Variants in AGBL4 observed in about 807,000 individuals in gnomAD.
AGBL4 encodes cytosolic carboxypeptidase 6.
In AGBL4, 58 loss-of-function variants were observed where a neutral mutation model predicts 66.4. The observed-to-expected ratio is 0.87, with a 90% CI of 0.71 to 1.09. The LOEUF is 1.09. Among genes scored for constraint, AGBL4 ranks in the 50% least tolerant of loss-of-function variants. The pLI is 0.00. For synonymous variants in AGBL4, 234 were observed against 222.9 expected (o/e 1.05, Z -0.44); for missense variants, 579 against 631.0 (o/e 0.92, Z 0.88).
At chr1:49,212,875 C>T (rs1648778655) in intron 4 of AGBL4, among the ~76,000 whole-genome samples, 1 of 152,088 alleles carries the variant, frequency 6.6e-6, no homozygotes, top group Non-Finnish European at 1.5e-5. Flanking sequence ...AGCATGTTTA[C>T]CTTTTCCATC....
chr1:49,535,787 G>GT (rs1347614888), intron 3 of AGBL4, among the ~76,000 whole-genome samples: 1 of 152,156 alleles, frequency 6.6e-6, no homozygotes, highest in Non-Finnish European at 1.5e-5. Flanking sequence ...GGCCTCCTGG[G>GT]TTCACGCCAT....
rs1648912499 is a variant in AGBL4, at chr1:49,725,048, CAGG to C, written c.158-27614_158-27612del. Among the ~76,000 whole-genome samples, 3 of 151,826 alleles carry C rather than the reference CAGG, an allele frequency of 2.0e-5. No homozygotes were observed. In the South Asian group the frequency reaches 6.2e-4, roughly 32 times the overall value. Reference sequence around the variant, plus strand: ...AGGGATGGGGGAGGGGAGGGAAGAGCAGGAGGGAAGAAAAAGGGAATAAAAGCA... The same window carrying C: ...AGGGATGGGGGAGGGGAGGGAAGAGCAGGGAAGAAAAAGGGAATAAAAGCA... On this transcript the variant is annotated intron_variant, in intron 2 of 13. Transcript: ENST00000371839.
rs545764781 is a variant in AGBL4, at chr1:49,203,391, T to C, written c.377+42379A>G. 8.5e-5 allele frequency among the ~76,000 whole-genome samples: 13 copies of C among 152,150 alleles called. No homozygotes were observed. In the East Asian group the frequency reaches 2.5e-3, roughly 29 times the overall value. ...CCTTAAATATCCATGAATAAATGAA[T>C]GAATAAAGAAAATATAGTATATATG... On this transcript the variant is annotated intron_variant, in intron 4 of 13. Coordinates refer to ENST00000371839, the MANE Select transcript of AGBL4 (RefSeq NM_032785.4).
At chr1:48,568,444 G>C (rs896336300) in intron 11 of AGBL4, among the ~76,000 whole-genome samples, 2 of 152,136 alleles carry the variant, frequency 1.3e-5, no homozygotes, top group Non-Finnish European at 2.9e-5. Flanking sequence ...TCCTGGGGTA[G>C]AGCTGAAGTG....
In AGBL4 at chr1:49,792,337, G is replaced by T. The variant is rs150111628; in HGVS notation, c.157+59059C>A. 1.8e-4 allele frequency among the ~76,000 whole-genome samples: 27 copies of T among 151,990 alleles called. No homozygotes were observed. The East Asian group carries it at 5.0e-3, about 28-fold the overall frequency. ...TATTAAAAAAACAGCAGCTACACAAGATTAACAGTCCACAACTCTTGGTAA... is the reference window on the plus strand; with the variant it reads ...TATTAAAAAAACAGCAGCTACACAATATTAACAGTCCACAACTCTTGGTAA... On this transcript the variant is annotated intron_variant, in intron 2 of 13. Coordinates refer to ENST00000371839, the MANE Select transcript of AGBL4 (RefSeq NM_032785.4).
intron 6 of AGBL4, among the ~76,000 whole-genome samples, chr1:48,834,351 T>C (rs1646627524): frequency 6.6e-6 from 1 of 152,110 alleles, no homozygotes; most frequent in Non-Finnish European, 1.5e-5. Flanking sequence ...AATTAATGTA[T>C]TTTGCATGAG....
chr1:48,776,815 C>A, intron 6 of AGBL4: 1 of 1,516,978 alleles, frequency 6.6e-7, no homozygotes, highest in Non-Finnish European at 8.8e-7. Context: ...CTCCAGGAAC[C>A]GCACAAAGGC....
At chr1:48,755,056 A>C (rs886098668) in intron 6 of AGBL4, among the ~76,000 whole-genome samples, 5 of 152,174 alleles carry the variant, frequency 3.3e-5, no homozygotes, top group African/African-American at 1.2e-4. Flanking sequence ...GTGTGGAATG[A>C]ATGAAAGAAT....
At chr1:49,917,032 T>C (rs1463198153) in intron 1 of AGBL4, among the ~76,000 whole-genome samples, 1 of 152,054 alleles carries the variant, frequency 6.6e-6, no homozygotes, top group African/African-American at 2.4e-5. Context: ...GACAAGCAAA[T>C]GCTGAGAGAT....
intron 3 of AGBL4, among the ~76,000 whole-genome samples, chr1:49,394,258 C>T (rs1644909901): frequency 6.6e-6 from 1 of 151,900 alleles, no homozygotes; most frequent in Non-Finnish European, 1.5e-5. Context: ...AGCAACAAAA[C>T]TGCACTTTGA....
intron 4 of AGBL4, among the ~76,000 whole-genome samples, chr1:49,183,604 C>T (rs1387923619): frequency 6.6e-6 from 1 of 152,154 alleles, no homozygotes; most frequent in African/African-American, 2.4e-5. Flanking sequence ...CAAATGTCTT[C>T]ATACTTTAAG....
At chr1:49,438,163 G>A (rs556993774) in intron 3 of AGBL4, among the ~76,000 whole-genome samples, 1 of 152,104 alleles carries the variant, frequency 6.6e-6, no homozygotes, top group Non-Finnish European at 1.5e-5. Flanking sequence ...ACAGAATCAG[G>A]ATCTAAAGCC....
chr1:49,291,546 T>C (rs973125695), intron 3 of AGBL4, among the ~76,000 whole-genome samples: 8 of 152,220 alleles, frequency 5.3e-5, no homozygotes, highest in Non-Finnish European at 8.8e-5. Context: ...AGAAGCCATA[T>C]ACAAGAGTAT....
intron 6 of AGBL4, among the ~76,000 whole-genome samples, chr1:48,689,415 T>C (rs1337376122): frequency 6.7e-6 from 1 of 150,154 alleles, no homozygotes; most frequent in African/African-American, 2.5e-5. Context: ...CTTCCTTCCT[T>C]CCTTCCTTCC....
At chr1:49,178,416 G>A (rs1646870049) in intron 4 of AGBL4, among the ~76,000 whole-genome samples, 1 of 152,014 alleles carries the variant, frequency 6.6e-6, no homozygotes, top group South Asian at 2.1e-4. Context: ...TCCCAGCTCT[G>A]CATGCGGAAT....
At chr1:49,895,729 T>C (rs1649131137) in intron 1 of AGBL4, among the ~76,000 whole-genome samples, 2 of 151,728 alleles carry the variant, frequency 1.3e-5, no homozygotes, top group Admixed American at 6.6e-5. Flanking sequence ...AATAAAAACA[T>C]ACATGCAAAA....
chr1:49,393,128 C>T (rs550264016), intron 3 of AGBL4, among the ~76,000 whole-genome samples: 61 of 152,160 alleles, frequency 4.0e-4, no homozygotes, highest in African/African-American at 1.4e-3. Flanking sequence ...GTTATTACAG[C>T]AAAGCTTGAC....
At chr1:48,748,175 G>C (rs749199413) in intron 6 of AGBL4, among the ~76,000 whole-genome samples, 4 of 152,194 alleles carry the variant, frequency 2.6e-5, no homozygotes, top group Non-Finnish European at 5.9e-5. Flanking sequence ...GTTAAACAAA[G>C]GCCTTGGAAA....
At chr1:49,716,454 T>C (rs1418575206) in intron 2 of AGBL4, among the ~76,000 whole-genome samples, 2 of 152,074 alleles carry the variant, frequency 1.3e-5, no homozygotes, top group African/African-American at 4.8e-5. Context: ...TGGTTCCGTA[T>C]GAAATTTAAA....
Sources: allele counts gnomAD v4.1 joint callset (sites outside exome capture counted in the v4.1 genomes callset), GRCh38; gene constraint gnomAD v4.1.1; transcripts MANE v1.5; gene names NCBI Gene and HGNC (gene_info 2026-07-23, HGNC 2026-07-21).